ROCK2: variants seen among roughly 807,000 people sequenced by gnomAD.
The protein encoded by ROCK2 is rho-associated protein kinase 2.
A neutral mutation model predicts 195.1 loss-of-function variants in ROCK2; 61 were observed. The observed-to-expected ratio is 0.31, with a 90% CI of 0.25 to 0.39. The LOEUF is 0.39. Ranked by LOEUF, ROCK2 falls within the 10% of genes least tolerant of loss-of-function variation. The probability of loss-of-function intolerance (pLI) is 1.00; values close to 1 mark genes in which losing one functional copy is unlikely to be tolerated. For synonymous variants in ROCK2, 504 were observed against 545.5 expected (o/e 0.92, Z 1.06); for missense variants, 1,109 against 1,637.4 (o/e 0.68, Z 5.57).
rs1365071580 is a variant in ROCK2, at chr2:11,201,763, T to G, written c.2619+289A>C. Among the ~76,000 whole-genome samples, 1 of 152,234 alleles carries G rather than the reference T, an allele frequency of 6.6e-6. No individual in the cohort carries two copies. Among genetic ancestry groups the G allele is most frequent in the Non-Finnish European group, 1.5e-5 (1 of 68,032 alleles). ...ATAAAACAGGAGTTTCTACTTCATA[T>G]TTTTAAAACTGATCTCAAAAAAAGC... On this transcript the variant is annotated intron_variant, in intron 21 of 32. Coordinates refer to ENST00000315872, the MANE Select transcript of ROCK2 (RefSeq NM_004850.5). The surrounding 1 kb of genome is among the most constrained non-coding windows in gnomAD (Gnocchi z 4.6).
At chr2:11,242,259 T>A (rs893049457) in intron 4 of ROCK2, among the ~76,000 whole-genome samples, 1 of 152,068 alleles carries the variant, frequency 6.6e-6, no homozygotes, top group South Asian at 2.1e-4. Flanking sequence ...GCTCTCAAGG[T>A]AGGGACAAAT....
At chr2:11,242,405 A>T (rs1008361934) in intron 4 of ROCK2, among the ~76,000 whole-genome samples, 1 of 152,168 alleles carries the variant, frequency 6.6e-6, no homozygotes, top group Admixed American at 6.5e-5. Context: ...ATCAGAGCTC[A>T]GAAAGGGAAG....
intron 4 of ROCK2, among the ~76,000 whole-genome samples, chr2:11,240,382 C>G (rs1665379976): frequency 6.6e-6 from 1 of 152,154 alleles, no homozygotes; most frequent in Non-Finnish European, 1.5e-5. Flanking sequence ...GCAACAAAGA[C>G]TAGATATATT....
chr2:11,197,724 AAATAT>A lies in ROCK2; in HGVS notation c.3100-24_3100-20del. On this transcript the variant is annotated intron_variant, in intron 25 of 32. Transcript: ENST00000315872. The surrounding 1 kb of genome is among the most constrained non-coding windows in gnomAD (Gnocchi z 4.9). ...TCACAGCCTTAAAAAATGTAAAAAT[AAATAT>A]AATACATAAATAAAATAAATTACGT... 1 of 1,483,366 alleles carries A rather than the reference AAATAT, an allele frequency of 6.7e-7. No homozygotes were observed. Among genetic ancestry groups the A allele is most frequent in the Non-Finnish European group, 9.0e-7 (1 of 1,108,048 alleles). 91.9% of individuals were successfully genotyped at this position (1,483,366 alleles called of 1,614,324 possible). A position where few individuals can be genotyped will look rare whatever the true frequency, so the allele number is the denominator to read the frequency against.
intron 23 of ROCK2, among the ~76,000 whole-genome samples, chr2:11,199,784 G>C (rs1487631483): frequency 1.3e-5 from 2 of 152,094 alleles, no homozygotes; most frequent in Non-Finnish European, 2.9e-5. Flanking sequence ...ATGGACATTT[G>C]AGTTTTTGCT....
At chr2:11,196,886 A>C (rs1048627267) in intron 27 of ROCK2, among the ~76,000 whole-genome samples, 1 of 152,182 alleles carries the variant, frequency 6.6e-6, no homozygotes, top group African/African-American at 2.4e-5. Flanking sequence ...CATAAAAGGA[A>C]GTAAGAATGC....
At chr2:11,305,800 C>T (rs760769003) in intron 1 of ROCK2, among the ~76,000 whole-genome samples, 34 of 152,108 alleles carry the variant, frequency 2.2e-4, no homozygotes, top group Non-Finnish European at 3.8e-4. Flanking sequence ...GATATAAACA[C>T]TATGGGAAAT....
chr2:11,196,940 T>C (rs1663659577), intron 27 of ROCK2, among the ~76,000 whole-genome samples: 1 of 152,148 alleles, frequency 6.6e-6, no homozygotes, highest in African/African-American at 2.4e-5. Flanking sequence ...ATAGAGCTAA[T>C]ATAATAATTT....
At chr2:11,250,938 G>C (rs1167213643) in intron 3 of ROCK2, among the ~76,000 whole-genome samples, 2 of 152,038 alleles carry the variant, frequency 1.3e-5, no homozygotes, top group African/African-American at 4.8e-5. Flanking sequence ...TATCATCTCT[G>C]CATGTTCCCT....
chr2:11,218,252 T>C (rs1034695954), intron 11 of ROCK2: 1 of 391,538 alleles, frequency 2.6e-6, no homozygotes, highest in East Asian at 3.8e-5. Flanking sequence ...CCTTGATAAA[T>C]AAAAACAAAA....
chr2:11,309,011 G>A, intron 1 of ROCK2: 1 of 1,589,540 alleles, frequency 6.3e-7, no homozygotes, highest in South Asian at 1.1e-5. Flanking sequence ...GCTCTGTGTA[G>A]CGTATTCACC....
At chr2:11,250,465 G>C (rs978774356) in intron 3 of ROCK2, among the ~76,000 whole-genome samples, 3 of 152,104 alleles carry the variant, frequency 2.0e-5, no homozygotes, top group African/African-American at 7.2e-5. Context: ...GTTCACCAGA[G>C]AGCCAATAAA....
intron 12 of ROCK2, among the ~76,000 whole-genome samples, chr2:11,216,451 T>C (rs1664430533): frequency 6.6e-6 from 1 of 151,784 alleles, no homozygotes; most frequent in African/African-American, 2.4e-5. Context: ...CCTCAAAGTG[T>C]TGGGATTACA....
At chr2:11,324,540 C>T (rs1489254119) in intron 1 of ROCK2, among the ~76,000 whole-genome samples, 1 of 152,212 alleles carries the variant, frequency 6.6e-6, no homozygotes, top group East Asian at 1.9e-4. Flanking sequence ...AAATGTTGTT[C>T]AGTGGGTGAG....
chr2:11,271,884 G>A (rs2148166505), intron 3 of ROCK2, among the ~76,000 whole-genome samples: 1 of 152,202 alleles, frequency 6.6e-6, no homozygotes, highest in Middle Eastern at 3.4e-3. Context: ...GCCGGGCGTG[G>A]TGGCGGGCAC....
intron 1 of ROCK2, among the ~76,000 whole-genome samples, chr2:11,301,947 A>C (rs1421310946): frequency 1.3e-5 from 2 of 151,926 alleles, no homozygotes; most frequent in Non-Finnish European, 2.9e-5. Context: ...CTGGGATTAC[A>C]GGCACCCACC....
intron 3 of ROCK2, among the ~76,000 whole-genome samples, chr2:11,267,391 T>C (rs1666455261): frequency 1.3e-5 from 2 of 152,082 alleles, no homozygotes; most frequent in African/African-American, 4.8e-5. Flanking sequence ...TCAACTACTA[T>C]ATATTTTCCC....
At chr2:11,273,072 G>A (rs1182993759) in intron 3 of ROCK2, among the ~76,000 whole-genome samples, 1 of 48,408 alleles carries the variant, frequency 2.1e-5, no homozygotes, top group African/African-American at 7.2e-5. Context: ...CAAAAGCCAA[G>A]AGAAATGCAG....
intron 32 of ROCK2, among the ~76,000 whole-genome samples, chr2:11,186,637 T>G (rs1408143186): frequency 6.6e-6 from 1 of 152,190 alleles, no homozygotes; most frequent in Non-Finnish European, 1.5e-5. Context: ...CTGAGCACAG[T>G]GTACATGGAG....
Sources: allele counts gnomAD v4.1 joint callset (sites outside exome capture counted in the v4.1 genomes callset), GRCh38; gene constraint gnomAD v4.1.1; non-coding constraint Gnocchi (gnomAD v3.1); transcripts MANE v1.5; gene names NCBI Gene and HGNC (gene_info 2026-07-23, HGNC 2026-07-21).